Variants in FBXO42 observed in about 807,000 individuals in gnomAD.
FBXO42 encodes the protein F-box only protein 42.
In FBXO42, 12 loss-of-function variants were observed where a neutral mutation model predicts 71.7. The observed-to-expected ratio is 0.17, with a 90% CI of 0.11 to 0.27. The LOEUF (loss-of-function observed/expected upper bound fraction) is 0.27. FBXO42 is among the 10% of genes least tolerant of loss of function. The probability of loss-of-function intolerance (pLI) is 1.00; values close to 1 mark genes in which losing one functional copy is unlikely to be tolerated. For synonymous variants in FBXO42, 325 were observed against 327.5 expected, an observed-to-expected ratio of 0.99 and a Z score of 0.08; for missense variants, 707 against 911.9, an observed-to-expected ratio of 0.78 and a Z score of 2.89.
At chr1:16,323,571 C>T (rs539310135) in intron 1 of FBXO42, among the ~76,000 whole-genome samples, 87 of 150,674 alleles carry the variant, frequency 5.8e-4, no homozygotes, top group African/African-American at 1.7e-3. Flanking sequence ...CTGAGGTGCG[C>T]GGATCTTTTG....
At chr1:16,338,804 CT>C (rs71574177) in intron 1 of FBXO42, among the ~76,000 whole-genome samples, 17,306 of 80,968 alleles carry the variant, frequency 0.21, 533 homozygotes, top group Middle Eastern at 0.37. Context: ...TTCCATTTGT[CT>C]TTTTTTTTTT....
intron 2 of FBXO42, among the ~76,000 whole-genome samples, chr1:16,313,310 AAG>A (rs1480901323): frequency 7.1e-6 from 1 of 140,032 alleles, no homozygotes; most frequent in East Asian, 2.0e-4. Flanking sequence ...GAAAGAAAGA[AAG>A]AGAAAAGAAA....
intron 4 of FBXO42, among the ~76,000 whole-genome samples, chr1:16,269,539 A>C (rs939237912): frequency 3.3e-5 from 5 of 151,606 alleles, no homozygotes; most frequent in African/African-American, 1.2e-4. Context: ...TTTTTTGTTT[A>C]TTTGAGACAG....
chr1:16,299,635 G>A (rs1008722665), intron 3 of FBXO42, among the ~76,000 whole-genome samples: 3 of 151,812 alleles, frequency 2.0e-5, no homozygotes, highest in Non-Finnish European at 2.9e-5. Flanking sequence ...TCAATAATAC[G>A]CTTAATTATT....
At chr1:16,255,660 C>T (rs1288915921) in intron 6 of FBXO42, 51 bp downstream of exon 6, 1 of 1,474,906 alleles carries the variant, frequency 6.8e-7, no homozygotes, top group African/African-American at 1.4e-5. Context: ...ACCTGTTATT[C>T]CCAGGAGTAT....
In FBXO42 at chr1:16,248,826, A is replaced by T. The variant is rs1398623410; in HGVS notation, c.*1844T>A. On this transcript the variant is annotated 3_prime_UTR_variant, in exon 10 of 10. Transcript: ENST00000375592. ...ATGTTGTTTCCTCATTGAAGGGAAC[A>T]CAAAGAGCAGTTTCTGGAACACATA... 2 of 152,300 alleles carry T rather than the reference A, an allele frequency of 1.3e-5. No homozygotes were observed. The highest frequency in any genetic ancestry group is 1.3e-4 in the Admixed American group (2 of 15,288). 9.4% of individuals were successfully genotyped at this position (152,300 alleles called of 1,614,324 possible). A position where few individuals can be genotyped will look rare whatever the true frequency, so the allele number is the denominator to read the frequency against.
intron 4 of FBXO42, among the ~76,000 whole-genome samples, chr1:16,291,546 A>G (rs2082079408): frequency 6.6e-6 from 1 of 151,670 alleles, no homozygotes; most frequent in South Asian, 2.1e-4. Flanking sequence ...ATGCCCTGCT[A>G]ATTTTTTGTC....
At chr1:16,285,689 C>T (rs2082014724) in intron 4 of FBXO42, among the ~76,000 whole-genome samples, 1 of 152,198 alleles carries the variant, frequency 6.6e-6, no homozygotes, top group South Asian at 2.1e-4. Context: ...TTGACCTCTT[C>T]GCTGCATTTG....
At chr1:16,281,552 T>C (rs2081964157) in intron 4 of FBXO42, among the ~76,000 whole-genome samples, 2 of 151,166 alleles carry the variant, frequency 1.3e-5, no homozygotes, top group African/African-American at 4.9e-5. Context: ...CACTGTGACC[T>C]CTGCCTCCCA....
chr1:16,330,211 G>C lies in FBXO42; in HGVS notation c.-17-14776C>G, dbSNP rs1028149669. Among the ~76,000 whole-genome samples the C allele has an allele frequency of 1.2e-4, 19 of 152,220 alleles. No individual in the cohort carries two copies. The South Asian group carries it at 3.9e-3, about 32-fold the overall frequency. The stretch of plus-strand genomic sequence containing the variant: ...ATCTATGTCAGAAAATTCATAATGG[G>C]GAAATGAAGATTAAAAAATTTAAAG... On this transcript the variant is annotated intron_variant, in intron 1 of 9. Transcript: ENST00000375592.
At chr1:16,312,288 G>T (rs746319102) in intron 2 of FBXO42, among the ~76,000 whole-genome samples, 1 of 152,096 alleles carries the variant, frequency 6.6e-6, no homozygotes, top group Non-Finnish European at 1.5e-5. Flanking sequence ...CTTGAGCCCG[G>T]GAGACGGAGG....
At chr1:16,301,695 AAAG>A (rs2082197334) in intron 3 of FBXO42, among the ~76,000 whole-genome samples, 1 of 151,476 alleles carries the variant, frequency 6.6e-6, no homozygotes, top group Non-Finnish European at 1.5e-5. Flanking sequence ...AACAAAAAAA[AAAG>A]AAACGGTACA....
In FBXO42 at chr1:16,249,790, A is replaced by G. The variant is rs1449076627; in HGVS notation, c.*880T>C. The stretch of plus-strand genomic sequence containing the variant: ...AGGACTTCACCACATATGAAAAAAA[A>G]AAAAGAAAAGAAAAAAGGTAGAAGA... On this transcript the variant is annotated 3_prime_UTR_variant, in exon 10 of 10. Transcript: ENST00000375592. 6.6e-6 allele frequency: 1 copy of G among 152,164 alleles called. No homozygotes were observed. Among genetic ancestry groups the G allele is most frequent in the Non-Finnish European group, 1.5e-5 (1 of 68,024 alleles). 9.4% of individuals were successfully genotyped at this position (152,164 alleles called of 1,614,324 possible). A position where few individuals can be genotyped will look rare whatever the true frequency, so the allele number is the denominator to read the frequency against.
intron 2 of FBXO42, among the ~76,000 whole-genome samples, chr1:16,306,268 C>T (rs915158530): frequency 1.4e-4 from 21 of 152,110 alleles, no homozygotes; most frequent in South Asian, 1.2e-3. Context: ...CCACCTGCCT[C>T]GGCCTTCCAA....
intron 1 of FBXO42, among the ~76,000 whole-genome samples, chr1:16,318,926 C>G (rs1412954201): frequency 6.6e-6 from 1 of 152,066 alleles, no homozygotes; most frequent in Non-Finnish European, 1.5e-5. Flanking sequence ...TGAGGCAGAC[C>G]CTAAAGGAGC....
At chr1:16,349,354 G>A (rs1196063163) in intron 1 of FBXO42, among the ~76,000 whole-genome samples, 1 of 152,140 alleles carries the variant, frequency 6.6e-6, no homozygotes, top group African/African-American at 2.4e-5. Context: ...TGCAACTTCA[G>A]ACCAAAAGCT....
Position 16,251,721 on chromosome 1 carries a change from A to G in FBXO42, c.1103T>C (p.Leu368Ser). The change falls in exon 10 of 10, where the codon TTG (leucine) becomes TCG (serine). Residue 368 changes from leucine (L) to serine (S), a missense_variant. This residue lies in a region of FBXO42 where 482 missense variants were observed against 587.1 expected (regional missense o/e 0.82). Coordinates refer to ENST00000375592, the MANE Select transcript of FBXO42 (RefSeq NM_018994.3). This position sits in a 1 kb window ranked among gnomAD's most constrained non-coding sequence, Gnocchi z 4.5. ...PSGRAPLSPS[L>S]NSRPSPISAT... ...ACTGATAGGTGATGGGCGAGAGTTCAAACTGGGGCTGAGTGGGGCTCTCCC... is the reference window on the plus strand; with the variant it reads ...ACTGATAGGTGATGGGCGAGAGTTCGAACTGGGGCTGAGTGGGGCTCTCCC... 1 of 1,614,236 alleles carries G rather than the reference A, an allele frequency of 6.2e-7. No homozygotes were observed. The highest frequency in any genetic ancestry group is 1.1e-5 in the South Asian group (1 of 91,088).
intron 4 of FBXO42, among the ~76,000 whole-genome samples, chr1:16,261,210 C>G (rs936269254): frequency 6.6e-6 from 1 of 152,126 alleles, no homozygotes; most frequent in African/African-American, 2.4e-5. Context: ...ATTCTTAGAA[C>G]CTCTTTTTCT....
intron 4 of FBXO42, among the ~76,000 whole-genome samples, chr1:16,277,594 A>G (rs1268136916): frequency 6.6e-6 from 1 of 151,526 alleles, no homozygotes; most frequent in Non-Finnish European, 1.5e-5. Flanking sequence ...GCGTGGTGGT[A>G]TGCACCTGTA....
Sources: gnomAD v4.1 joint callset for allele counts (sites outside exome capture counted in the v4.1 genomes callset) on GRCh38, gnomAD v4.1.1 for gene constraint, gnomAD v4.1.1 regional missense constraint, Gnocchi (gnomAD v3.1) non-coding constraint, MANE v1.5 for transcripts, NCBI Gene and HGNC (gene_info 2026-07-23, HGNC 2026-07-21) for gene names.